The following TMEM178B variants were observed in gnomAD, a reference collection of about 807,000 sequenced individuals.
TMEM178B encodes the protein transmembrane protein 178B.
Under a neutral mutation model 31.0 loss-of-function variants are expected in TMEM178B, and 5 were observed. That is an observed-to-expected ratio of 0.16 (90% CI 0.08 to 0.34). The LOEUF (loss-of-function observed/expected upper bound fraction) is 0.34. TMEM178B is among the 10% of genes least tolerant of loss of function. The pLI, the probability that TMEM178B is intolerant of heterozygous loss-of-function variation, is 1.00. For missense variants in TMEM178B, 275 were observed against 400.3 expected, an observed-to-expected ratio of 0.69 and a Z score of 2.67; for synonymous variants, 164 against 164.0, an observed-to-expected ratio of 1.00 and a Z score of 0.00.
In TMEM178B at chr7:141,251,077, T is replaced by A. The variant is rs113069645; in HGVS notation, c.496+38373T>A. Reference sequence around the variant, plus strand: ...CAGTTCAGATTTTGCAGATCTTTTTTAAGCATCTTCTGTGGGCCATGTGGC... The same window carrying A: ...CAGTTCAGATTTTGCAGATCTTTTTAAAGCATCTTCTGTGGGCCATGTGGC... On this transcript the variant is annotated intron_variant, in intron 2 of 3. Transcript: ENST00000565468. Among the ~76,000 whole-genome samples the A allele has an allele frequency of 2.2e-3, 333 of 152,150 alleles. 2 individuals are homozygous for A. In the East Asian group the frequency reaches 0.041, roughly 19 times the overall value.
chr7:141,457,528 T>G (rs1426446967), intron 3 of TMEM178B, among the ~76,000 whole-genome samples: 1 of 152,150 alleles, frequency 6.6e-6, no homozygotes, highest in African/African-American at 2.4e-5. Context: ...ACAGAATGGC[T>G]TCCTCATAAG....
intron 2 of TMEM178B, among the ~76,000 whole-genome samples, chr7:141,419,629 G>T (rs1016486062): frequency 6.6e-6 from 1 of 152,164 alleles, no homozygotes; most frequent in Admixed American, 6.5e-5. Flanking sequence ...TCAGTGGCTT[G>T]CCATGGCCTT....
chr7:141,435,727 A>G (rs1238808752), intron 2 of TMEM178B, among the ~76,000 whole-genome samples: 1 of 152,194 alleles, frequency 6.6e-6, no homozygotes, highest in Non-Finnish European at 1.5e-5. Context: ...GTTCCATCTG[A>G]CACATATGGT....
intron 2 of TMEM178B, among the ~76,000 whole-genome samples, chr7:141,348,792 T>C (rs1406171033): frequency 6.6e-6 from 1 of 152,184 alleles, no homozygotes; most frequent in Non-Finnish European, 1.5e-5. Flanking sequence ...AGGATATCTT[T>C]AGTCTAGTTA....
chr7:141,124,432 C>G (rs139379785), intron 1 of TMEM178B, among the ~76,000 whole-genome samples: 1 of 152,136 alleles, frequency 6.6e-6, no homozygotes, highest in African/African-American at 2.4e-5. Flanking sequence ...ACAGGTTAGT[C>G]TATCTGGTAA....
At chr7:141,502,702 G>A in the TMEM178B span, among the ~76,000 whole-genome samples, 12 of 151,876 alleles carry the variant, frequency 7.9e-5, 1 homozygote, top group Non-Finnish European at 1.3e-4. Flanking sequence ...CCCGGGAGGC[G>A]GAGGTTGCAG....
chr7:141,123,303 C>A (rs1795438678), intron 1 of TMEM178B, among the ~76,000 whole-genome samples: 1 of 152,188 alleles, frequency 6.6e-6, no homozygotes, highest in Non-Finnish European at 1.5e-5. Flanking sequence ...TATCTTCAGG[C>A]CTAGTGCCAA....
intron 1 of TMEM178B, among the ~76,000 whole-genome samples, chr7:141,128,775 G>A (rs1197208340): frequency 6.6e-6 from 1 of 152,088 alleles, no homozygotes; most frequent in East Asian, 1.9e-4. Context: ...TCTGTTGGAT[G>A]TTCCTCTGGA....
intron 2 of TMEM178B, among the ~76,000 whole-genome samples, chr7:141,363,990 A>G (rs1181097369): frequency 1.3e-5 from 2 of 151,984 alleles, no homozygotes; most frequent in Non-Finnish European, 2.9e-5. Context: ...AAATTGAAAA[A>G]AAAATAAAGG....
intron 1 of TMEM178B, among the ~76,000 whole-genome samples, chr7:141,118,207 G>A (rs1179146873): frequency 6.6e-6 from 1 of 152,096 alleles, no homozygotes; most frequent in Non-Finnish European, 1.5e-5. Context: ...TCTCTTTCAA[G>A]GCTGATTCCT....
the TMEM178B span, among the ~76,000 whole-genome samples, chr7:141,486,823 G>A: frequency 1.4e-4 from 21 of 152,068 alleles, no homozygotes; most frequent in African/African-American, 4.8e-4. Context: ...GGGAGAGACC[G>A]GTAATGAAAT....
chr7:141,274,488 A>T (rs1033607498), intron 2 of TMEM178B, among the ~76,000 whole-genome samples: 3 of 152,162 alleles, frequency 2.0e-5, no homozygotes, highest in African/African-American at 4.8e-5. Flanking sequence ...GTTTGATTGT[A>T]TACCTGGGCC....
At chr7:141,451,754 T>G (rs1033261159) in intron 3 of TMEM178B, among the ~76,000 whole-genome samples, 4 of 152,254 alleles carry the variant, frequency 2.6e-5, no homozygotes, top group Admixed American at 2.0e-4. Flanking sequence ...CATTTTTATG[T>G]GTTTTAAGAC....
intron 1 of TMEM178B, among the ~76,000 whole-genome samples, chr7:141,113,137 C>T (rs925390381): frequency 6.6e-6 from 1 of 152,120 alleles, no homozygotes; most frequent in African/African-American, 2.4e-5. Flanking sequence ...AAACTCAAGG[C>T]CTTTGCTCAT....
At chr7:141,112,429 T>A (rs547421591) in intron 1 of TMEM178B, among the ~76,000 whole-genome samples, 2 of 152,232 alleles carry the variant, frequency 1.3e-5, no homozygotes, top group Admixed American at 1.3e-4. Context: ...AATTTTTGTA[T>A]TTTTTGCAGA....
At chr7:141,407,286 T>C (rs1176481804) in intron 2 of TMEM178B, among the ~76,000 whole-genome samples, 2 of 152,218 alleles carry the variant, frequency 1.3e-5, no homozygotes, top group Non-Finnish European at 2.9e-5. Flanking sequence ...CTGCCCTGTT[T>C]GATGTCTGCA....
At chr7:141,091,303 A>G (rs575922550) in intron 1 of TMEM178B, among the ~76,000 whole-genome samples, 12 of 152,238 alleles carry the variant, frequency 7.9e-5, no homozygotes, top group Admixed American at 2.0e-4. Flanking sequence ...ACAGTAATTC[A>G]GGTTTCATAA....
chr7:141,129,416 G>A (rs1795558420), intron 1 of TMEM178B, among the ~76,000 whole-genome samples: 1 of 152,134 alleles, frequency 6.6e-6, no homozygotes, highest in Admixed American at 6.6e-5. Flanking sequence ...AAAGTGCTCA[G>A]CTCTGTAGTG....
chr7:141,196,674 C>A (rs898145724), intron 1 of TMEM178B, among the ~76,000 whole-genome samples: 5 of 152,216 alleles, frequency 3.3e-5, no homozygotes, highest in African/African-American at 1.2e-4. Flanking sequence ...AATCGTGACT[C>A]CCCTGGGTGC....
Sources: gnomAD v4.1 joint callset for allele counts (sites outside exome capture counted in the v4.1 genomes callset) on GRCh38, gnomAD v4.1.1 for gene constraint, MANE v1.5 for transcripts, NCBI Gene and HGNC (gene_info 2026-07-23, HGNC 2026-07-21) for gene names.